DCLK2: variants seen among roughly 807,000 people sequenced by gnomAD.
DCLK2 encodes serine/threonine-protein kinase DCLK2.
Under a neutral mutation model 78.4 loss-of-function variants are expected in DCLK2, and 31 were observed. That is an observed-to-expected ratio of 0.40 (90% CI 0.30 to 0.53). The LOEUF is 0.53. Ranked by LOEUF, DCLK2 falls within the 20% of genes least tolerant of loss-of-function variation. The pLI is 0.61. For synonymous variants in DCLK2, 407 were observed against 374.9 expected (o/e 1.09, Z -0.99); for missense variants, 872 against 973.7 (o/e 0.90, Z 1.39).
chr4:150,132,552 G>A (rs1228078600), intron 2 of DCLK2, among the ~76,000 whole-genome samples: 1 of 152,140 alleles, frequency 6.6e-6, no homozygotes, highest in Non-Finnish European at 1.5e-5. Flanking sequence ...GCTCCTAGAG[G>A]AAATACAGGG....
chr4:150,236,233 A>G (rs563833342), intron 10 of DCLK2, among the ~76,000 whole-genome samples: 1 of 152,308 alleles, frequency 6.6e-6, no homozygotes, highest in Non-Finnish European at 1.5e-5. Context: ...TAGAGTTCTC[A>G]CAGTTGTGAT....
At chr4:150,199,095 G>A in intron 4 of DCLK2, 1 of 1,593,170 alleles carries the variant, frequency 6.3e-7, no homozygotes, top group Non-Finnish European at 8.5e-7. Flanking sequence ...CATGACTATT[G>A]TGGCTTTGTT....
intron 2 of DCLK2, among the ~76,000 whole-genome samples, chr4:150,126,864 A>G (rs1732953693): frequency 1.3e-5 from 2 of 152,204 alleles, no homozygotes; most frequent in African/African-American, 4.8e-5. Context: ...AGGATCCCAC[A>G]TGGATTTACT....
chr4:150,111,807 C>A (rs189580477), intron 2 of DCLK2, among the ~76,000 whole-genome samples: 2 of 152,224 alleles, frequency 1.3e-5, no homozygotes, highest in African/African-American at 4.8e-5. Flanking sequence ...TCTAGACTCC[C>A]TATTCTGTTG....
At chr4:150,151,308 CT>C (rs1734877996) in intron 2 of DCLK2, among the ~76,000 whole-genome samples, 1 of 152,112 alleles carries the variant, frequency 6.6e-6, no homozygotes, top group African/African-American at 2.4e-5. Flanking sequence ...AATGATGGGT[CT>C]GGGGAAGCAT....
chr4:150,176,367 A>G (rs2150272986), intron 2 of DCLK2, among the ~76,000 whole-genome samples: 1 of 152,286 alleles, frequency 6.6e-6, no homozygotes, highest in South Asian at 2.1e-4. Context: ...TACGGTCTCC[A>G]GGTGCTGGGT....
chr4:150,167,558 T>C (rs1736189859), intron 2 of DCLK2, among the ~76,000 whole-genome samples: 1 of 152,094 alleles, frequency 6.6e-6, no homozygotes, highest in Non-Finnish European at 1.5e-5. Context: ...AGTCCTACCA[T>C]TAGATTATTA....
rs200972178 is a variant in DCLK2 at position 150,243,865 on chromosome 4, CTTT to C, written c.1778+3405_1778+3407del. Among the ~76,000 whole-genome samples, 784 of 135,522 alleles carry C rather than the reference CTTT, an allele frequency of 5.8e-3. 7 individuals are homozygous for C. Among genetic ancestry groups the C allele is most frequent in the African/African-American group, 0.017 (633 of 36,498 alleles). The allele number at this position is 135,522 out of a possible 152,430, so 88.9% of individuals were successfully genotyped here. On this transcript the variant is annotated intron_variant, in intron 12 of 15. Transcript: ENST00000296550. The stretch of plus-strand genomic sequence containing the variant: ...TACAAGCACACACCACCATGCCCAG[CTTT>C]TTTTTTTTTTTTTTTGGTAGAGATA...
intron 4 of DCLK2, among the ~76,000 whole-genome samples, chr4:150,199,874 T>C (rs1414071144): frequency 6.6e-6 from 1 of 152,122 alleles, no homozygotes; most frequent in East Asian, 1.9e-4. Context: ...GGCACGGAGG[T>C]ACCACCTGTG....
At chr4:150,168,071 C>T (rs551164027) in intron 2 of DCLK2, among the ~76,000 whole-genome samples, 12 of 152,242 alleles carry the variant, frequency 7.9e-5, no homozygotes, top group South Asian at 2.1e-4. Context: ...AGGCCAGGTG[C>T]GGTGGCTCAC....
intron 2 of DCLK2, among the ~76,000 whole-genome samples, chr4:150,112,954 G>T (rs1439759556): frequency 6.6e-6 from 1 of 151,642 alleles, no homozygotes; most frequent in African/African-American, 2.4e-5. Context: ...GGAATTACAG[G>T]TGCATGCCAC....
intron 2 of DCLK2, among the ~76,000 whole-genome samples, chr4:150,106,372 G>C (rs1048890792): frequency 6.6e-6 from 1 of 151,918 alleles, no homozygotes; most frequent in African/African-American, 2.4e-5. Flanking sequence ...CTTGATCTTG[G>C]CCAAAAGGCC....
chr4:150,228,868 T>G (rs1194719787), intron 8 of DCLK2, among the ~76,000 whole-genome samples: 1 of 149,536 alleles, frequency 6.7e-6, no homozygotes, highest in African/African-American at 2.5e-5. Flanking sequence ...CTACTAAAAA[T>G]ACAAAAAATT....
intron 5 of DCLK2, among the ~76,000 whole-genome samples, chr4:150,210,773 C>A (rs1049459712): frequency 6.6e-6 from 1 of 151,824 alleles, no homozygotes; most frequent in Non-Finnish European, 1.5e-5. Flanking sequence ...AATGGTGAAA[C>A]CCTATCTCTA....
In DCLK2 at chr4:150,255,881, G is replaced by A. The variant is rs1267524090; in HGVS notation, c.2074-139G>A. 5.0e-6 allele frequency: 7 copies of A among 1,407,410 alleles called. No homozygotes were observed. In the East Asian group the frequency reaches 1.8e-4, roughly 36 times the overall value. The allele number at this position is 1,407,410 out of a possible 1,614,324, so 87.2% of individuals were successfully genotyped here. ...CCCGAAACCATTACTCTCCTGTGAG[G>A]CTTCTGTTAGAAGCTTGGCGTTATT... On this transcript the variant is annotated intron_variant, in intron 15 of 15. Coordinates refer to ENST00000296550, the MANE Select transcript of DCLK2 (RefSeq NM_001040260.4).
intron 5 of DCLK2, among the ~76,000 whole-genome samples, chr4:150,212,741 G>T (rs1450726283): frequency 6.6e-6 from 1 of 152,126 alleles, no homozygotes; most frequent in Non-Finnish European, 1.5e-5. Flanking sequence ...TGCAGGGAGG[G>T]TTTACCAAGT....
chr4:150,218,228 C>T (rs1351226906), intron 5 of DCLK2, among the ~76,000 whole-genome samples: 2 of 152,046 alleles, frequency 1.3e-5, no homozygotes, highest in African/African-American at 4.8e-5. Context: ...CTCCATGTCA[C>T]CCGCAAATCC....
intron 14 of DCLK2, among the ~76,000 whole-genome samples, chr4:150,248,917 A>ATT (rs147774797): frequency 0.016 from 2,393 of 152,148 alleles, 64 homozygotes; most frequent in African/African-American, 0.054. Flanking sequence ...GATCCAATAA[A>ATT]TGGGGACTGT....
At chr4:150,111,834 A>G (rs1406164542) in intron 2 of DCLK2, among the ~76,000 whole-genome samples, 1 of 151,940 alleles carries the variant, frequency 6.6e-6, no homozygotes, top group Non-Finnish European at 1.5e-5. Context: ...TCTATGTTTG[A>G]TTATACCAGT....
Sources: gnomAD v4.1 joint callset for allele counts (sites outside exome capture counted in the v4.1 genomes callset) on GRCh38, gnomAD v4.1.1 for gene constraint, MANE v1.5 for transcripts, NCBI Gene and HGNC (gene_info 2026-07-23, HGNC 2026-07-21) for gene names.